The following ZNF708 variants were observed in gnomAD, a reference collection of about 807,000 sequenced individuals.
The protein encoded by ZNF708 is zinc finger protein 708.
A neutral mutation model predicts 47.0 loss-of-function variants in ZNF708; 44 were observed. That is an observed-to-expected ratio of 0.94 (90% CI 0.74 to 1.20). The LOEUF (loss-of-function observed/expected upper bound fraction) is 1.20. Among genes scored for constraint, ZNF708 ranks in the 50% most tolerant of loss-of-function variants. The pLI is 0.00. For missense variants in ZNF708, 557 were observed against 656.0 expected, an observed-to-expected ratio of 0.85 and a Z score of 1.65; for synonymous variants, 184 against 218.5, an observed-to-expected ratio of 0.84 and a Z score of 1.39.
intron 3 of ZNF708, among the ~76,000 whole-genome samples, chr19:21,297,270 A>ATATATATATAT (rs1568345563): frequency 2.1e-5 from 1 of 46,674 alleles, no homozygotes; most frequent in African/African-American, 9.3e-5. Context: ...ATATATATAT[A>ATATATATATAT]TTTTTTTTTT....
rs371063076 is a variant in ZNF708 at position 21,321,704 on chromosome 19, AAAGG to A, written c.3+7502_3+7505del. On this transcript the variant is annotated intron_variant, in intron 1 of 3. Transcript: ENST00000356929. ...AAAAGAAGGAAACAAAGAAAGAAAGAAAGGAAGGAAGGAAGGAAGAAAGAAAGGG... is the reference window on the plus strand; with the variant it reads ...AAAAGAAGGAAACAAAGAAAGAAAGAAAGGAAGGAAGGAAGAAAGAAAGGG... 6.5e-3 allele frequency among the ~76,000 whole-genome samples: 917 copies of A among 141,232 alleles called. 18 individuals are homozygous for A. Among genetic ancestry groups the A allele is most frequent in the African/African-American group, 0.023 (846 of 37,532 alleles). The allele number at this position is 141,232 out of a possible 152,430, so 92.7% of individuals were successfully genotyped here.
intron 3 of ZNF708, among the ~76,000 whole-genome samples, chr19:21,307,306 G>A (rs1282825604): frequency 2.0e-5 from 3 of 151,912 alleles, no homozygotes; most frequent in Non-Finnish European, 4.4e-5. Context: ...AACCCAGAGG[G>A]CATCCCAGAA....
In ZNF708 at chr19:21,293,485, T is replaced by C. The variant is rs779508557; in HGVS notation, c.1481A>G (p.His494Arg). The C allele has an allele frequency of 3.9e-5, 63 of 1,613,546 alleles. No individual in the cohort carries two copies. Among genetic ancestry groups the C allele is most frequent in the Middle Eastern group, 1.7e-4 (1 of 6,056 alleles). Reference sequence around the variant, plus strand: ...TTTCTCTCCAGTATGAATTATCTTATGTGTAGTAAGATGAGAGGACAGAAT... The same window carrying C: ...TTTCTCTCCAGTATGAATTATCTTACGTGTAGTAAGATGAGAGGACAGAAT... ...SFILSSHLTT[H>R]KIIHTGEKPY... The change falls in exon 4 of 4, where the codon CAT becomes CGT. Residue 494 changes from histidine (H) to arginine (R), a missense_variant. Physicochemically the swap from His to Arg is conservative, Grantham distance 29. Coordinates refer to ENST00000356929, the MANE Select transcript of ZNF708 (RefSeq NM_021269.3).
chr19:21,323,637 A>G (rs1973197132), intron 1 of ZNF708, among the ~76,000 whole-genome samples: 2 of 152,192 alleles, frequency 1.3e-5, no homozygotes, highest in African/African-American at 2.4e-5. Context: ...TTTATTTTCA[A>G]AGTCTATAAA....
At chr19:21,328,808 C>T (rs1973312763) in intron 1 of ZNF708, among the ~76,000 whole-genome samples, 1 of 152,146 alleles carries the variant, frequency 6.6e-6, no homozygotes, top group Non-Finnish European at 1.5e-5. Context: ...GCGATGACTG[C>T]CACAGATTTT....
chr19:21,325,567 A>C (rs774115878), intron 1 of ZNF708, among the ~76,000 whole-genome samples: 1 of 152,222 alleles, frequency 6.6e-6, no homozygotes, highest in Non-Finnish European at 1.5e-5. Context: ...AAATCAACTC[A>C]AGATGGATTA....
chr19:21,312,234 G>A (rs1300609618), intron 1 of ZNF708, among the ~76,000 whole-genome samples: 2 of 151,960 alleles, frequency 1.3e-5, no homozygotes, highest in Non-Finnish European at 2.9e-5. Flanking sequence ...GGCAGAGGTT[G>A]CAGTGAGCTG....
At chr19:21,314,180 G>A (rs1972958901) in intron 1 of ZNF708, among the ~76,000 whole-genome samples, 1 of 147,896 alleles carries the variant, frequency 6.8e-6, no homozygotes, top group Non-Finnish European at 1.5e-5. Context: ...TGGGGAAGGG[G>A]AGACCCTCTG....
chr19:21,311,190 G>A (rs1421170795), intron 1 of ZNF708, among the ~76,000 whole-genome samples: 3 of 151,924 alleles, frequency 2.0e-5, no homozygotes, highest in Non-Finnish European at 4.4e-5. Flanking sequence ...TACCTGTACA[G>A]AAAGATAAGA....
chr19:21,294,460 T>G lies in ZNF708; in HGVS notation c.506A>C (p.Lys169Thr). The G allele has an allele frequency of 6.2e-7, 1 of 1,614,188 alleles. No homozygotes were observed. The highest frequency in any genetic ancestry group is 8.5e-7 in the Non-Finnish European group (1 of 1,180,002). The change falls in exon 4 of 4, where the codon AAA (lysine) becomes ACA (threonine). Residue 169 changes from lysine to threonine, a missense_variant. By Grantham distance (78) the Lys-to-Thr change is moderately conservative. Transcript: ENST00000356929. ...KIRHTGKNPF[K>T]CKECGKSFCM... ...AAATGATTTGCCACATTCTTTACAT[T>G]TGAAAGGATTTTTTCCAGTATGTCT... is the stretch of plus-strand genomic sequence containing the variant.
chr19:21,317,681 G>A (rs1180818960), intron 1 of ZNF708, among the ~76,000 whole-genome samples: 1 of 152,214 alleles, frequency 6.6e-6, no homozygotes, highest in African/African-American at 2.4e-5. Context: ...ATCTGCTTAA[G>A]AGACTGCAAA....
chr19:21,314,155 G>A (rs1241523951), intron 1 of ZNF708, among the ~76,000 whole-genome samples: 1 of 151,748 alleles, frequency 6.6e-6, no homozygotes. Flanking sequence ...CAAGAAGGGT[G>A]AATCTGAACA....
At chr19:21,309,481 G>T in intron 2 of ZNF708, 140 bp from the exon 3 acceptor site, 1 of 706,888 alleles carries the variant, frequency 1.4e-6, no homozygotes, top group Non-Finnish European at 2.1e-6. Flanking sequence ...GCCGAGGTGG[G>T]TAGATCACCT....
chr19:21,296,705 G>T (rs1972533321), intron 3 of ZNF708, among the ~76,000 whole-genome samples: 1 of 152,048 alleles, frequency 6.6e-6, no homozygotes. Flanking sequence ...TTCTGGGAAA[G>T]ATATTTACAT....
intron 1 of ZNF708, chr19:21,318,544 T>C (rs1320540804): frequency 6.6e-6 from 1 of 152,190 alleles, no homozygotes; most frequent in African/African-American, 2.4e-5. Context: ...TCTCTTAAAA[T>C]ACCCCTAATG....
At chr19:21,304,428 G>T (rs1291752391) in intron 3 of ZNF708, among the ~76,000 whole-genome samples, 1 of 152,030 alleles carries the variant, frequency 6.6e-6, no homozygotes, top group African/African-American at 2.4e-5. Context: ...GCAGCATGAG[G>T]TTTAGAGAAA....
At chr19:21,295,958 G>A (rs1233308413) in intron 3 of ZNF708, among the ~76,000 whole-genome samples, 1 of 151,954 alleles carries the variant, frequency 6.6e-6, no homozygotes, top group African/African-American at 2.4e-5. Context: ...GACAACTACT[G>A]AAGTTCAGAA....
chr19:21,307,826 G>A (rs1160011007), intron 3 of ZNF708, among the ~76,000 whole-genome samples: 1 of 152,024 alleles, frequency 6.6e-6, no homozygotes, highest in Non-Finnish European at 1.5e-5. Context: ...TTGAAGACAA[G>A]TAAAATGTTT....
intron 2 of ZNF708, among the ~76,000 whole-genome samples, chr19:21,310,162 C>T (rs1972866621): frequency 6.6e-6 from 1 of 151,996 alleles, no homozygotes; most frequent in African/African-American, 2.4e-5. Flanking sequence ...GTTATCCTCA[C>T]CTTGCCGGGC....
Sources: gnomAD v4.1 joint callset for allele counts (sites outside exome capture counted in the v4.1 genomes callset) on GRCh38, gnomAD v4.1.1 for gene constraint, MANE v1.5 for transcripts, NCBI Gene and HGNC (gene_info 2026-07-23, HGNC 2026-07-21) for gene names.